The following P3H2 variants were observed in gnomAD, a reference collection of about 807,000 sequenced individuals.
The protein encoded by P3H2 is leprecan-like 1.
In P3H2, 80 loss-of-function variants were observed where a neutral mutation model predicts 87.0. The observed-to-expected ratio is 0.92, with a 90% confidence interval of 0.77 to 1.11. The LOEUF (loss-of-function observed/expected upper bound fraction) is 1.11, where lower values mean the gene tolerates loss of function less well. P3H2 is among the 50% of genes least tolerant of loss of function. The probability of loss-of-function intolerance (pLI) is 0.00; values close to 1 mark genes in which losing one functional copy is unlikely to be tolerated. For missense variants in P3H2, 1,001 were observed against 923.9 expected, an observed-to-expected ratio of 1.08 and a Z score of -1.08; for synonymous variants, 367 against 359.3, an observed-to-expected ratio of 1.02 and a Z score of -0.24.
intron 1 of P3H2, among the ~76,000 whole-genome samples, chr3:190,025,296 T>A (rs1409817973): frequency 1.3e-5 from 2 of 152,200 alleles, no homozygotes; most frequent in African/African-American, 4.8e-5. Context: ...CTTTTATTTT[T>A]CTCTTTCGCA....
intron 1 of P3H2, among the ~76,000 whole-genome samples, chr3:190,053,444 A>C (rs2108962282): frequency 7.2e-6 from 1 of 138,182 alleles, no homozygotes; most frequent in South Asian, 2.3e-4. Context: ...ATTTTTAAAT[A>C]AAGTGGTTTT....
chr3:190,104,255 G>C lies in P3H2; in HGVS notation c.480+15997C>G, dbSNP rs140021921. ...GGCATAGCAGAACAGAAATATTAGT[G>C]ATAATATCTATCCTACTCCAGCCAA... On this transcript the variant is annotated intron_variant, in intron 1 of 14. Coordinates refer to ENST00000319332, the MANE Select transcript of P3H2 (RefSeq NM_018192.4). Among the ~76,000 whole-genome samples the C allele has an allele frequency of 2.0e-3, 300 of 152,136 alleles. 2 individuals carry two copies. The highest frequency in any genetic ancestry group is 3.5e-3 in the Non-Finnish European group (240 of 68,000).
intron 1 of P3H2, among the ~76,000 whole-genome samples, chr3:190,103,101 T>C (rs191867282): frequency 1.5e-4 from 23 of 152,356 alleles, no homozygotes; most frequent in Middle Eastern, 6.8e-3. Flanking sequence ...TTATATGCAC[T>C]GGGAAACCAA....
chr3:190,120,551 C>T lies in P3H2; in HGVS notation c.181G>A (p.Glu61Lys), dbSNP rs763891313. Residue 61 changes from glutamate to lysine, a missense_variant, in exon 1 of 15, where the codon GAG (glutamate) becomes AAG (lysine). Coordinates refer to ENST00000319332, the MANE Select transcript of P3H2 (RefSeq NM_018192.4). Reference sequence around the variant, plus strand: ...GCTTCCAAGTCGCGCACCGCTCGCTCGTAGTCTCCGCTGTAGTAGGCGGCC... The same window carrying T: ...GCTTCCAAGTCGCGCACCGCTCGCTTGTAGTCTCCGCTGTAGTAGGCGGCC... ...GAAAYYSGDY[E>K]RAVRDLEAAL... 3.3e-6 allele frequency: 5 copies of T among 1,526,822 alleles called. No homozygotes were observed. The highest frequency in any genetic ancestry group is 3.5e-6 in the Non-Finnish European group (4 of 1,146,682). The allele number at this position is 1,526,822 out of a possible 1,614,324, so 94.6% of individuals were successfully genotyped here.
At chr3:190,083,878 G>T (rs967292210) in intron 1 of P3H2, among the ~76,000 whole-genome samples, 2 of 152,154 alleles carry the variant, frequency 1.3e-5, no homozygotes, top group Admixed American at 6.5e-5. Flanking sequence ...AAAAGTGAAC[G>T]AACAATAACC....
chr3:189,978,647 C>T (rs1275467773), intron 8 of P3H2, among the ~76,000 whole-genome samples: 4 of 151,450 alleles, frequency 2.6e-5, no homozygotes, highest in Admixed American at 6.6e-5. Flanking sequence ...ATTTTCCACA[C>T]GTACATTTAA....
Position 190,117,413 on chromosome 3 carries a change from C to T in P3H2, c.480+2839G>A, listed in dbSNP as rs1436129540. Among the ~76,000 whole-genome samples the T allele has an allele frequency of 2.0e-5, 3 of 152,270 alleles. No individual in the cohort carries two copies. The East Asian group carries it at 5.8e-4, about 29-fold the overall frequency. On this transcript the variant is annotated intron_variant, in intron 1 of 14. Transcript: ENST00000319332. ...AATCTCTTAGCTGAGAATAATTGTA[C>T]TTTCTTAGCTTTATGAAGCATTCCA...
intron 1 of P3H2, among the ~76,000 whole-genome samples, chr3:190,080,091 G>A (rs893368227): frequency 1.3e-5 from 2 of 152,148 alleles, no homozygotes; most frequent in African/African-American, 4.8e-5. Context: ...GTCATAAATG[G>A]GTAAGGAAAG....
At chr3:189,985,622 T>A (rs1222474891) in intron 6 of P3H2, among the ~76,000 whole-genome samples, 1 of 149,378 alleles carries the variant, frequency 6.7e-6, no homozygotes, top group Non-Finnish European at 1.5e-5. Context: ...ATAAATAAAT[T>A]AATAATAAAT....
chr3:190,009,677 G>T (rs1187457354), intron 1 of P3H2, among the ~76,000 whole-genome samples: 1 of 152,162 alleles, frequency 6.6e-6, no homozygotes, highest in Non-Finnish European at 1.5e-5. Flanking sequence ...TCATTAAAAT[G>T]AATATAGCCT....
chr3:190,106,541 C>G (rs1711844758), intron 1 of P3H2, among the ~76,000 whole-genome samples: 1 of 148,626 alleles, frequency 6.7e-6, no homozygotes, highest in Non-Finnish European at 1.5e-5. Context: ...AGGCAAGGAA[C>G]AATCTTTTTT....
At chr3:190,052,795 A>G (rs1252574413) in intron 1 of P3H2, among the ~76,000 whole-genome samples, 1 of 152,044 alleles carries the variant, frequency 6.6e-6, no homozygotes, top group Non-Finnish European at 1.5e-5. Flanking sequence ...AAAAGAATAT[A>G]ATTTGATGAA....
intron 1 of P3H2, among the ~76,000 whole-genome samples, chr3:190,067,791 T>A (rs1364996331): frequency 5.3e-5 from 8 of 152,184 alleles, no homozygotes; most frequent in Admixed American, 3.3e-4. Context: ...AAATTATTTA[T>A]CTATATCTGG....
chr3:189,968,837 A>G (rs1330394576), intron 13 of P3H2, among the ~76,000 whole-genome samples: 1 of 152,172 alleles, frequency 6.6e-6, no homozygotes, highest in East Asian at 1.9e-4. Flanking sequence ...GCATGTCTCT[A>G]ATGACCAGTG....
intron 1 of P3H2, among the ~76,000 whole-genome samples, chr3:190,071,246 G>A (rs1455756004): frequency 6.6e-6 from 1 of 152,096 alleles, no homozygotes; most frequent in Non-Finnish European, 1.5e-5. Flanking sequence ...ACCCTTCAAA[G>A]GGCCTACATT....
At chr3:190,106,056 G>T (rs1711820597) in intron 1 of P3H2, among the ~76,000 whole-genome samples, 1 of 152,074 alleles carries the variant, frequency 6.6e-6, no homozygotes, top group Non-Finnish European at 1.5e-5. Context: ...TAGGAAGGAG[G>T]CTTAAAGAGG....
intron 1 of P3H2, among the ~76,000 whole-genome samples, chr3:190,086,679 A>C (rs995497632): frequency 6.6e-6 from 1 of 152,214 alleles, no homozygotes; most frequent in African/African-American, 2.4e-5. Flanking sequence ...ACCATACCTC[A>C]GTTAGTGCTA....
chr3:189,970,821 C>G lies in P3H2; in HGVS notation c.1888G>C (p.Val630Leu). ...FIFTEMDAKTVTASIKPKCGR... is the reference protein window; with the variant it reads ...FIFTEMDAKTLTASIKPKCGR... Reference sequence around the variant, plus strand: ...TCAAGAATAGGTTTACTTACAGTCACAGTCTTAGCATCCATCTCTGTGAAT... The same window carrying G: ...TCAAGAATAGGTTTACTTACAGTCAGAGTCTTAGCATCCATCTCTGTGAAT... Residue 630 changes from valine (V) to leucine (L), a missense_variant, in exon 13 of 15, where the codon GTG (valine) becomes CTG (leucine). Physicochemically the swap from Val to Leu is conservative, Grantham distance 32. Coordinates refer to ENST00000319332, the MANE Select transcript of P3H2 (RefSeq NM_018192.4). 1.9e-6 allele frequency: 3 copies of G among 1,569,606 alleles called. No individual in the cohort carries two copies. The highest frequency in any genetic ancestry group is 2.2e-5 in the East Asian group (1 of 44,570).
At chr3:189,993,296 T>C (rs1204521348) in intron 3 of P3H2, among the ~76,000 whole-genome samples, 4 of 142,266 alleles carry the variant, frequency 2.8e-5, no homozygotes, top group Admixed American at 7.5e-5. Context: ...CACTCCAGCC[T>C]GGGCAACAAG....
Sources: gnomAD v4.1 joint callset for allele counts (sites outside exome capture counted in the v4.1 genomes callset) on GRCh38, gnomAD v4.1.1 for gene constraint, MANE v1.5 for transcripts, NCBI Gene and HGNC (gene_info 2026-07-23, HGNC 2026-07-21) for gene names.